The following ACACA variants were observed in gnomAD, a reference collection of about 807,000 sequenced individuals.
ACACA encodes the protein acetyl-CoA carboxylase 1.
In ACACA, 103 loss-of-function variants were observed where a neutral mutation model predicts 296.1. The observed-to-expected ratio is 0.35, with a 90% CI of 0.30 to 0.41. ACACA has a LOEUF of 0.41. Ranked by LOEUF, ACACA falls within the 10% of genes least tolerant of loss-of-function variation. The pLI, the probability that ACACA is intolerant of heterozygous loss-of-function variation, is 1.00. For synonymous variants in ACACA, 953 were observed against 1,038.6 expected (o/e 0.92, Z 1.58); for missense variants, 1,554 against 2,989.7 (o/e 0.52, Z 11.20).
intron 16 of ACACA, among the ~76,000 whole-genome samples, chr17:37,250,319 C>T (rs1203064610): frequency 6.6e-6 from 1 of 152,132 alleles, no homozygotes; most frequent in African/African-American, 2.4e-5. Flanking sequence ...AATTTTGAAC[C>T]ACATGAATGT....
chr17:37,128,024 CAAAAAAAAAAA>C (rs1173864454), intron 47 of ACACA, among the ~76,000 whole-genome samples: 11 of 39,742 alleles, frequency 2.8e-4, no homozygotes, highest in South Asian at 7.6e-4. Flanking sequence ...AACTCCATCT[CAAAAAAAAAAA>C]AAAAAAAAAA....
At chr17:37,263,957 G>C in intron 10 of ACACA, 63 bp from the exon 11 acceptor site, 1 of 1,362,326 alleles carries the variant, frequency 7.3e-7, no homozygotes, top group Non-Finnish European at 1.0e-6. Context: ...TATCTATCTT[G>C]ATAAGCTACT....
intron 1 of ACACA, among the ~76,000 whole-genome samples, chr17:37,391,394 TAGAAAC>T (rs2050878255): frequency 6.6e-6 from 1 of 152,208 alleles, no homozygotes; most frequent in African/African-American, 2.4e-5. Flanking sequence ...ACACAGCTGT[TAGAAAC>T]AGAACTATGA....
intron 40 of ACACA, 128 bp from the exon 41 acceptor site, chr17:37,179,534 C>T: frequency 9.9e-7 from 1 of 1,011,282 alleles, no homozygotes; most frequent in South Asian, 1.4e-5. Flanking sequence ...AAACATTAGA[C>T]TAAATTCTCC....
chr17:37,097,017 C>A lies in ACACA; in HGVS notation c.6870G>T (p.Val2290=), dbSNP rs760843036. The change falls in exon 54 of 56, where the codon GTG becomes GTT. Residue 2290 remains valine, a synonymous_variant. Coordinates refer to ENST00000616317, the MANE Select transcript of ACACA (RefSeq NM_198834.3). The surrounding 1 kb of genome is among the most constrained non-coding windows in gnomAD (Gnocchi z 4.8). ...CTACCTTCACTGTTCCTTCCACTTC[C>A]ACAAACCAGCGCCTTAACATGGCTT... ...QIQAMLRRWF[V]EVEGTVKAYV... 5 of 1,614,176 alleles carry A rather than the reference C, an allele frequency of 3.1e-6. No individual in the cohort carries two copies. In the East Asian group the frequency reaches 1.1e-4, roughly 36 times the overall value.
chr17:37,216,189 C>CACAT (rs559609131), intron 29 of ACACA, among the ~76,000 whole-genome samples: 50 of 141,378 alleles, frequency 3.5e-4, no homozygotes, highest in African/African-American at 1.2e-3. Context: ...CATACACACA[C>CACAT]GTGTGTGTGT....
Position 37,155,752 on chromosome 17 carries a change from T to G in ACACA, c.5378A>C (p.Gln1793Pro). The G allele has an allele frequency of 6.2e-7, 1 of 1,610,252 alleles. No individual in the cohort carries two copies. The highest frequency in any genetic ancestry group is 8.5e-7 in the Non-Finnish European group (1 of 1,178,062). The change falls in exon 43 of 56, where the codon CAA (glutamine) becomes CCA (proline). Residue 1793 changes from glutamine to proline, a missense_variant. Coordinates refer to ENST00000616317, the MANE Select transcript of ACACA (RefSeq NM_198834.3). ...GAGAGCACTGACTCTCTTATAATCTTGAGGAGTCAGATATAAATACCTGTA... is the reference window on the plus strand; with the variant it reads ...GAGAGCACTGACTCTCTTATAATCTGGAGGAGTCAGATATAAATACCTGTA... ...KGYRYLYLTP[Q>P]DYKRVSALNS... is the part of the protein sequence containing the mutation.
intron 52 of ACACA, among the ~76,000 whole-genome samples, chr17:37,109,858 G>A (rs57854189): frequency 2.0e-5 from 3 of 152,166 alleles, no homozygotes; most frequent in African/African-American, 7.2e-5. Context: ...CCATTGGGGG[G>A]TTAAAAAGAG....
chr17:37,117,042 T>C (rs73982232), intron 50 of ACACA, among the ~76,000 whole-genome samples: 5,160 of 152,276 alleles, frequency 0.034, 244 homozygotes, highest in African/African-American at 0.1. Flanking sequence ...CACACAACCT[T>C]TGCAGTGTGC....
In ACACA at chr17:37,129,470, C is replaced by T; in HGVS notation, c.5839G>A (p.Val1947Ile). Residue 1947 changes from valine to isoleucine, a missense_variant, in exon 47 of 56, where the codon GTT (valine) becomes ATT (isoleucine). Val to Ile is a conservative substitution (Grantham distance 29). This residue lies in a region of ACACA where 553 missense variants were observed against 1,043.6 expected (regional missense o/e 0.53). Coordinates refer to ENST00000616317, the MANE Select transcript of ACACA (RefSeq NM_198834.3). ...GGATCCTTTGAGTTCAGAAGAGGAA[C>T]TGAACTGTGCACGCTCTAAAAGGAG... ...SYMPKSVHSS[V>I]PLLNSKDPID... is the part of the protein sequence containing the mutation. The T allele has an allele frequency of 6.2e-7, 1 of 1,614,086 alleles. No homozygotes were observed. Among genetic ancestry groups the T allele is most frequent in the Non-Finnish European group, 8.5e-7 (1 of 1,179,986 alleles).
intron 52 of ACACA, among the ~76,000 whole-genome samples, chr17:37,105,631 G>A (rs1054201071): frequency 1.3e-5 from 2 of 152,072 alleles, no homozygotes; most frequent in African/African-American, 4.8e-5. Flanking sequence ...TTAGGAGGCC[G>A]AGGCGGGCGG....
chr17:37,318,206 G>T (rs1352228621), intron 3 of ACACA, among the ~76,000 whole-genome samples: 4 of 152,084 alleles, frequency 2.6e-5, no homozygotes, highest in African/African-American at 9.7e-5. Flanking sequence ...CCAATAGATA[G>T]GAAGCAGGAA....
chr17:37,250,499 G>A (rs908132099), intron 16 of ACACA, among the ~76,000 whole-genome samples: 5 of 152,122 alleles, frequency 3.3e-5, no homozygotes, highest in South Asian at 2.1e-4. Flanking sequence ...TGAGCTGGGC[G>A]TGGTGGTGCG....
At chr17:37,151,111 G>A (rs942952868) in intron 44 of ACACA, among the ~76,000 whole-genome samples, 190 bp downstream of exon 44, 1 of 151,996 alleles carries the variant, frequency 6.6e-6, no homozygotes, top group African/African-American at 2.4e-5. Context: ...AAAGTGCTGG[G>A]TTTGTTTGAA....
chr17:37,285,813 G>C (rs961385132), intron 3 of ACACA, among the ~76,000 whole-genome samples: 4 of 151,996 alleles, frequency 2.6e-5, no homozygotes, highest in Admixed American at 6.6e-5. Flanking sequence ...CTGGGTAACA[G>C]AATGAGATGG....
At chr17:37,319,095 A>G (rs1346640889) in intron 3 of ACACA, among the ~76,000 whole-genome samples, 1 of 152,132 alleles carries the variant, frequency 6.6e-6, no homozygotes, top group East Asian at 1.9e-4. Flanking sequence ...TACTTTCATG[A>G]TTTGCTAACT....
intron 5 of ACACA, among the ~76,000 whole-genome samples, chr17:37,279,295 A>G (rs2082401341): frequency 6.6e-6 from 1 of 152,220 alleles, no homozygotes; most frequent in Non-Finnish European, 1.5e-5. Flanking sequence ...GCAAATTATT[A>G]AACAATGTTA....
chr17:37,374,101 G>T (rs926037231), intron 1 of ACACA, among the ~76,000 whole-genome samples: 7 of 152,048 alleles, frequency 4.6e-5, no homozygotes, highest in African/African-American at 1.7e-4. Flanking sequence ...GCTCACACCT[G>T]TAACCCCAGC....
chr17:37,167,172 G>C (rs2076703791), intron 41 of ACACA, among the ~76,000 whole-genome samples: 2 of 144,962 alleles, frequency 1.4e-5, no homozygotes, highest in African/African-American at 2.6e-5. Flanking sequence ...ATGTTGGCCA[G>C]GTTGGTCTCG....
Sources: gnomAD v4.1 joint callset for allele counts (sites outside exome capture counted in the v4.1 genomes callset) on GRCh38, gnomAD v4.1.1 for gene constraint, gnomAD v4.1.1 regional missense constraint, Gnocchi (gnomAD v3.1) non-coding constraint, MANE v1.5 for transcripts, NCBI Gene and HGNC (gene_info 2026-07-23, HGNC 2026-07-21) for gene names.